ABI3BP: variants seen among roughly 807,000 people sequenced by gnomAD.
ABI3BP encodes ABI family member 3 binding protein, also known as target of Nesh-SH3.
Under a neutral mutation model 268.6 loss-of-function variants are expected in ABI3BP, and 216 were observed. The ratio of observed to expected loss-of-function variants is 0.80; its 90% CI spans 0.72 to 0.90. The LOEUF is 0.90. Ranked by LOEUF, ABI3BP falls within the 40% of genes least tolerant of loss-of-function variation. ABI3BP has a pLI of 0.00. For synonymous variants in ABI3BP, 730 were observed against 730.0 expected (o/e 1.00, Z 0.00); for missense variants, 2,090 against 2,182.4 (o/e 0.96, Z 0.84).
intron 1 of ABI3BP, among the ~76,000 whole-genome samples, chr3:100,971,884 G>A (rs2083760280): frequency 6.6e-6 from 1 of 152,110 alleles, no homozygotes; most frequent in South Asian, 2.1e-4. Flanking sequence ...TTTTAAAATG[G>A]AAATTAAAAC....
At chr3:100,860,864 C>T (rs2098990251) in intron 14 of ABI3BP, among the ~76,000 whole-genome samples, 1 of 152,070 alleles carries the variant, frequency 6.6e-6, no homozygotes, top group South Asian at 2.1e-4. Context: ...CTCAGGTGCT[C>T]CTGAGGGATG....
chr3:100,778,442 A>G, intron 58 of ABI3BP, 66 bp from the exon 59 acceptor site: 1 of 1,434,240 alleles, frequency 7.0e-7, no homozygotes, highest in South Asian at 1.3e-5. Flanking sequence ...ATCGAAAAAA[A>G]CAGGGTTTTT....
intron 1 of ABI3BP, among the ~76,000 whole-genome samples, chr3:100,965,053 G>A (rs2080762955): frequency 6.6e-6 from 1 of 152,216 alleles, no homozygotes; most frequent in Admixed American, 6.5e-5. Flanking sequence ...TAGTATAAGT[G>A]CAGTGATCAG....
chr3:100,839,762 C>G, intron 23 of ABI3BP, 146 bp from the exon 24 acceptor site: 1 of 893,584 alleles, frequency 1.1e-6, no homozygotes, highest in Non-Finnish European at 1.8e-6. Context: ...ATTTTCCTTT[C>G]TCCTTGTTGC....
At position 100,902,660 on chromosome 3, in the gene ABI3BP, C is replaced by G; in HGVS notation, c.286G>C (p.Val96Leu). ...VDAEPKYLIV[V>L]RPAPPPSQKK... is the part of the protein sequence containing the mutation. The stretch of plus-strand genomic sequence containing the variant: ...TGACTTGGAGGTGGAGCAGGTCGCA[C>G]AACTATCAGATATTTCGGCTCTGCA... Residue 96 changes from valine (V) to leucine (L), a missense_variant, in exon 3 of 68, where the codon GTG (valine) becomes CTG (leucine). By Grantham distance (32) the Val-to-Leu change is conservative. Coordinates refer to ENST00000471714, the MANE Select transcript of ABI3BP (RefSeq NM_001375547.2). 1 of 1,613,904 alleles carries G rather than the reference C, an allele frequency of 6.2e-7. No individual in the cohort carries two copies.
At chr3:100,939,597 T>C (rs2153703864) in intron 1 of ABI3BP, among the ~76,000 whole-genome samples, 1 of 152,088 alleles carries the variant, frequency 6.6e-6, no homozygotes, top group East Asian at 1.9e-4. Flanking sequence ...TAGGTGTGGG[T>C]CACAGACATC....
chr3:100,918,310 AC>A (rs2059284499), intron 2 of ABI3BP, among the ~76,000 whole-genome samples: 3 of 149,316 alleles, frequency 2.0e-5, no homozygotes, highest in Admixed American at 6.7e-5. Context: ...CCACCCATCC[AC>A]CCGTCCACCT....
chr3:100,976,739 C>T (rs2086401897), intron 1 of ABI3BP, among the ~76,000 whole-genome samples: 1 of 152,148 alleles, frequency 6.6e-6, no homozygotes, highest in Non-Finnish European at 1.5e-5. Flanking sequence ...CAAGTTTGTC[C>T]CAGGAGGCCC....
intron 1 of ABI3BP, among the ~76,000 whole-genome samples, chr3:100,938,233 A>C (rs2067159090): frequency 6.6e-6 from 1 of 151,928 alleles, no homozygotes. Flanking sequence ...TAATCTGTAC[A>C]ACAAACTCCT....
At chr3:100,883,977 G>A (rs1318390598) in intron 6 of ABI3BP, among the ~76,000 whole-genome samples, 1 of 152,002 alleles carries the variant, frequency 6.6e-6, no homozygotes, top group Non-Finnish European at 1.5e-5. Context: ...TGTTTATGAA[G>A]AGCATTTGAT....
At chr3:100,813,289 T>C (rs1209116844) in intron 45 of ABI3BP, among the ~76,000 whole-genome samples, 4 of 152,212 alleles carry the variant, frequency 2.6e-5, no homozygotes, top group Non-Finnish European at 5.9e-5. Flanking sequence ...ATGGTCACAA[T>C]TGAACTAGTG....
chr3:100,870,926 T>G (rs547095396), intron 9 of ABI3BP, among the ~76,000 whole-genome samples: 6 of 152,108 alleles, frequency 3.9e-5, no homozygotes, highest in Non-Finnish European at 7.4e-5. Context: ...CTAAATGATA[T>G]AAGCCAAGCA....
chr3:100,820,344 T>G (rs988668898), intron 39 of ABI3BP, 41 bp from the exon 40 acceptor site: 3 of 1,466,692 alleles, frequency 2.0e-6, no homozygotes, highest in Non-Finnish European at 1.8e-6. Context: ...AGTCCGTAGC[T>G]CCGAAGCTAT....
chr3:100,885,468 A>G, intron 6 of ABI3BP, 68 bp downstream of exon 6: 2 of 868,284 alleles, frequency 2.3e-6, no homozygotes, highest in Non-Finnish European at 3.4e-6. Context: ...ATCTTATAAT[A>G]AGACTATTTC....
chr3:100,921,863 A>G (rs1004099127), intron 2 of ABI3BP, among the ~76,000 whole-genome samples: 2 of 152,268 alleles, frequency 1.3e-5, no homozygotes, highest in Admixed American at 1.3e-4. Flanking sequence ...TCCACAGGTC[A>G]CTAAAGGTTA....
intron 8 of ABI3BP, 46 bp from the exon 9 acceptor site, chr3:100,874,979 C>A (rs747701390): frequency 8.8e-7 from 1 of 1,137,686 alleles, no homozygotes; most frequent in South Asian, 1.4e-5. Flanking sequence ...GAAAGTGCAT[C>A]ATGACATAAA....
intron 2 of ABI3BP, among the ~76,000 whole-genome samples, chr3:100,909,229 C>T (rs1286124563): frequency 6.6e-6 from 1 of 152,152 alleles, no homozygotes; most frequent in African/African-American, 2.4e-5. Context: ...AAACTGCATC[C>T]CTTCCTTACA....
chr3:100,873,095 C>A (rs1055121088), intron 9 of ABI3BP, among the ~76,000 whole-genome samples: 1 of 152,116 alleles, frequency 6.6e-6, no homozygotes, highest in Non-Finnish European at 1.5e-5. Context: ...CAGCACCTAA[C>A]GAGAACTTAA....
chr3:100,765,818 C>T lies in ABI3BP; in HGVS notation c.4850+23G>A, dbSNP rs1208080465. 2.0e-6 allele frequency: 3 copies of T among 1,529,358 alleles called. No homozygotes were observed. In the Admixed American group the frequency reaches 5.4e-5, roughly 27 times the overall value. 94.7% of individuals were successfully genotyped at this position (1,529,358 alleles called of 1,614,324 possible). A position where few individuals can be genotyped will look rare whatever the true frequency, so the allele number is the denominator to read the frequency against. On this transcript the variant is annotated intron_variant, in intron 63 of 67. Transcript: ENST00000471714. ...TAACTTTTGCACTCTCAGAATTTAC[C>T]TGGAATAGCACTGGTGGCTTACCTC... is the stretch of plus-strand genomic sequence containing the variant.
Sources: gnomAD v4.1 joint callset for allele counts (sites outside exome capture counted in the v4.1 genomes callset) on GRCh38, gnomAD v4.1.1 for gene constraint, MANE v1.5 for transcripts, NCBI Gene and HGNC (gene_info 2026-07-23, HGNC 2026-07-21) for gene names.